The following THSD7B variants were observed in gnomAD, a reference collection of about 807,000 sequenced individuals.
THSD7B encodes the protein thrombospondin type-1 domain-containing protein 7B.
THSD7B carries 138 observed loss-of-function variants against 213.6 expected under a neutral mutation model. The observed-to-expected ratio is 0.65, with a 90% CI of 0.56 to 0.74. The LOEUF (loss-of-function observed/expected upper bound fraction) is 0.74, where lower values mean the gene tolerates loss of function less well. Among genes scored for constraint, THSD7B ranks in the 30% least tolerant of loss-of-function variants. The probability of loss-of-function intolerance (pLI) is 0.00; values close to 1 mark genes in which losing one functional copy is unlikely to be tolerated. For missense variants in THSD7B, 1,931 were observed against 1,991.5 expected (o/e 0.97, Z 0.58); for synonymous variants, 742 against 687.0 (o/e 1.08, Z -1.25).
chr2:137,548,764 A>C (rs565506923), intron 15 of THSD7B, among the ~76,000 whole-genome samples: 1 of 152,120 alleles, frequency 6.6e-6, no homozygotes, highest in South Asian at 2.1e-4. Flanking sequence ...AACTAGGGCT[A>C]CTCATCCTTG....
intron 14 of THSD7B, among the ~76,000 whole-genome samples, chr2:137,426,049 A>G (rs1314585376): frequency 6.6e-6 from 1 of 152,206 alleles, no homozygotes; most frequent in Non-Finnish European, 1.5e-5. Flanking sequence ...CAAACTGTCC[A>G]ATAAAGAGAT....
intron 2 of THSD7B, among the ~76,000 whole-genome samples, chr2:136,891,122 GT>G (rs1683849100): frequency 6.6e-6 from 1 of 150,514 alleles, no homozygotes; most frequent in Non-Finnish European, 1.5e-5. Flanking sequence ...ATTTCATCTT[GT>G]TTCATAGATG....
chr2:137,398,556 G>A (rs543621127), intron 12 of THSD7B, among the ~76,000 whole-genome samples: 5,097 of 151,708 alleles, frequency 0.034, 119 homozygotes, highest in Non-Finnish European at 0.047. Context: ...GAGAACCACT[G>A]CTCTCTTCAA....
At chr2:136,825,020 T>C (rs935072693) in intron 1 of THSD7B, among the ~76,000 whole-genome samples, 2 of 152,252 alleles carry the variant, frequency 1.3e-5, no homozygotes, top group African/African-American at 2.4e-5. Context: ...GTTTATTTTC[T>C]AATTGACTCC....
intron 27 of THSD7B, among the ~76,000 whole-genome samples, chr2:137,672,240 G>T (rs1683593667): frequency 6.6e-6 from 1 of 152,032 alleles, no homozygotes; most frequent in Admixed American, 6.5e-5. Context: ...ATTCAAGGAG[G>T]TGTTGCTATT....
At chr2:137,283,060 T>C (rs952995102) in intron 12 of THSD7B, among the ~76,000 whole-genome samples, 2 of 152,214 alleles carry the variant, frequency 1.3e-5, no homozygotes, top group African/African-American at 4.8e-5. Context: ...CTTCCATTTG[T>C]TTGTAGCCTC....
chr2:137,665,001 G>A lies in THSD7B; in HGVS notation c.4651+1426G>A, dbSNP rs545343657. Among the ~76,000 whole-genome samples, 6 of 152,150 alleles carry A rather than the reference G, an allele frequency of 3.9e-5. No individual in the cohort carries two copies. In the East Asian group the frequency reaches 1.2e-3, roughly 29 times the overall value. On this transcript the variant is annotated intron_variant, in intron 26 of 27. Transcript: ENST00000409968. Reference sequence around the variant, plus strand: ...AAATGAAGCAAAATCCAAAGCCCAGGCCCAAAGAAACACAGATCTAACAGG... The same window carrying A: ...AAATGAAGCAAAATCCAAAGCCCAGACCCAAAGAAACACAGATCTAACAGG...
intron 15 of THSD7B, among the ~76,000 whole-genome samples, chr2:137,471,755 A>G (rs925528649): frequency 1.3e-5 from 2 of 152,108 alleles, no homozygotes; most frequent in African/African-American, 4.8e-5. Context: ...GCAGGCTCCC[A>G]GTGGCATGTC....
At chr2:137,225,122 G>A (rs1301796065) in intron 7 of THSD7B, among the ~76,000 whole-genome samples, 2 of 152,080 alleles carry the variant, frequency 1.3e-5, no homozygotes, top group African/African-American at 2.4e-5. Flanking sequence ...TTTTTTGCCT[G>A]TGTTTGTGTA....
At chr2:137,612,191 A>G (rs557047962) in intron 17 of THSD7B, among the ~76,000 whole-genome samples, 2 of 152,330 alleles carry the variant, frequency 1.3e-5, no homozygotes, top group African/African-American at 4.8e-5. Context: ...TAGATAATTT[A>G]TCAAAACACA....
chr2:137,198,749 G>A (rs899659757), intron 7 of THSD7B, among the ~76,000 whole-genome samples: 1 of 152,070 alleles, frequency 6.6e-6, no homozygotes, highest in African/African-American at 2.4e-5. Flanking sequence ...CTGTATCTCT[G>A]AATACAAACT....
chr2:137,645,583 G>C (rs776705899), intron 21 of THSD7B, among the ~76,000 whole-genome samples: 1 of 151,962 alleles, frequency 6.6e-6, no homozygotes, highest in Non-Finnish European at 1.5e-5. Context: ...TACATACTAG[G>C]AGCACACTGT....
chr2:137,119,778 G>C (rs1688515322), intron 5 of THSD7B, among the ~76,000 whole-genome samples: 1 of 152,072 alleles, frequency 6.6e-6, no homozygotes, highest in Non-Finnish European at 1.5e-5. Context: ...AAAAACATTA[G>C]TATGCTAAGA....
intron 5 of THSD7B, among the ~76,000 whole-genome samples, chr2:137,159,985 G>A (rs1573859628): frequency 6.6e-6 from 1 of 152,210 alleles, no homozygotes; most frequent in Non-Finnish European, 1.5e-5. Context: ...TGCAAAGCAG[G>A]AATTTCAAGC....
intron 7 of THSD7B, among the ~76,000 whole-genome samples, chr2:137,221,577 A>G (rs2105044979): frequency 6.6e-6 from 1 of 152,298 alleles, no homozygotes; most frequent in South Asian, 2.1e-4. Flanking sequence ...ATGTTTTTTG[A>G]CTTTGTTTTT....
In THSD7B at chr2:137,618,379, C is replaced by T. The variant is rs1682447646; in HGVS notation, c.3566-13C>T. 1 of 1,612,010 alleles carries T rather than the reference C, an allele frequency of 6.2e-7. No individual in the cohort carries two copies. Among genetic ancestry groups the T allele is most frequent in the Non-Finnish European group, 8.5e-7 (1 of 1,178,552 alleles). The stretch of plus-strand genomic sequence containing the variant: ...AATTTTGAAACTCAGTGTGGGTGAT[C>T]CTATGCCTGTAGAGTGGAGCACATG... On this transcript the variant is annotated splice_polypyrimidine_tract_variant and intron_variant, in intron 18 of 27. Coordinates refer to ENST00000409968, the MANE Select transcript of THSD7B (RefSeq NM_001316349.2).
At chr2:137,653,048 G>A (rs1032320341) in intron 21 of THSD7B, among the ~76,000 whole-genome samples, 8 of 152,106 alleles carry the variant, frequency 5.3e-5, no homozygotes, top group African/African-American at 1.9e-4. Flanking sequence ...CTGTGATTTC[G>A]TTTTGCACAT....
intron 6 of THSD7B, among the ~76,000 whole-genome samples, chr2:137,166,333 AAAT>A (rs1426914732): frequency 1.3e-5 from 2 of 151,978 alleles, no homozygotes; most frequent in Non-Finnish European, 2.9e-5. Flanking sequence ...TAGCCTGAAA[AAAT>A]AAATACTCTT....
intron 1 of THSD7B, among the ~76,000 whole-genome samples, chr2:136,836,948 G>C (rs1025866224): frequency 1.3e-5 from 2 of 152,038 alleles, no homozygotes; most frequent in Admixed American, 1.3e-4. Context: ...AATTATTCTT[G>C]AACTTTCTCA....
Sources: allele counts gnomAD v4.1 joint callset (sites outside exome capture counted in the v4.1 genomes callset), GRCh38; gene constraint gnomAD v4.1.1; transcripts MANE v1.5; gene names NCBI Gene and HGNC (gene_info 2026-07-23, HGNC 2026-07-21).